The following OC90 variants were observed in gnomAD, a reference collection of about 807,000 sequenced individuals.
OC90 encodes otoconin 90, also known as otoconin-90.
A neutral mutation model predicts 47.3 loss-of-function variants in OC90; 46 were observed. That is an observed-to-expected ratio of 0.97 (90% confidence interval 0.77 to 1.24). OC90 has a LOEUF of 1.24. Ranked by LOEUF, OC90 falls within the 50% of genes most tolerant of loss-of-function variation. OC90 has a pLI of 0.00. For synonymous variants in OC90, 271 were observed against 219.5 expected (o/e 1.23, Z -2.07); for missense variants, 688 against 583.9 (o/e 1.18, Z -1.84).
rs11779306 is a variant in OC90, at chr8:132,034,824, G to A, written c.690C>T (p.His230=). The stretch of plus-strand genomic sequence containing the variant: ...TAGCAGCTCCCACTCCTTCCTGATC[G>A]TGGCCTGCTTCTGTTCCCCAAAGAA... ...LTALSGEEAG[H]DQEGVGAARA... is the part of the protein sequence containing the mutation. Residue 230 remains histidine, a synonymous_variant, in exon 10 of 14, where the codon CAC becomes CAT. Coordinates refer to ENST00000254627, the MANE Select transcript of OC90 (RefSeq NM_001080399.3). The A allele has an allele frequency of 0.33, 525,245 of 1,606,308 alleles. 88,636 individuals are homozygous for A. The highest frequency in any genetic ancestry group is 0.36 in the South Asian group (32,919 of 90,624).
Position 132,041,605 on chromosome 8 carries a change from A to G in OC90, c.264T>C (p.Gly88=). Residue 88 remains glycine, a synonymous_variant, in exon 5 of 14, where the codon GGT becomes GGC. Coordinates refer to ENST00000254627, the MANE Select transcript of OC90 (RefSeq NM_001080399.3). ...AGTCTTCAAAGTCTCGGGGGCAGAG[A>G]CCAGCCACACACTTCATACCATTGA... ...QFVNGMKCVA[G]LCPRDFEDYG... is the part of the protein sequence containing the mutation. 6.2e-7 allele frequency: 1 copy of G among 1,612,658 alleles called. No individual in the cohort carries two copies. Among genetic ancestry groups the G allele is most frequent in the Non-Finnish European group, 8.5e-7 (1 of 1,179,582 alleles).
At chr8:132,025,377 G>A (rs150562902) in intron 13 of OC90, among the ~76,000 whole-genome samples, 2 of 152,134 alleles carry the variant, frequency 1.3e-5, no homozygotes, top group Non-Finnish European at 2.9e-5. Context: ...TTTCCTCTGG[G>A]GACATGTCCA....
chr8:132,051,581 A>G (rs972691144), intron 2 of OC90, among the ~76,000 whole-genome samples: 3 of 152,208 alleles, frequency 2.0e-5, no homozygotes, highest in African/African-American at 7.2e-5. Context: ...CATCTGTAGA[A>G]TGGGGCTATT....
chr8:132,053,847 T>C (rs1187523516), intron 2 of OC90, among the ~76,000 whole-genome samples: 1 of 152,122 alleles, frequency 6.6e-6, no homozygotes, highest in African/African-American at 2.4e-5. Flanking sequence ...CCCTTGGAAG[T>C]CACAAGGCAG....
intron 2 of OC90, among the ~76,000 whole-genome samples, chr8:132,051,519 T>G (rs1298425569): frequency 5.9e-5 from 9 of 152,250 alleles, no homozygotes; most frequent in African/African-American, 2.2e-4. Context: ...CAGTAACTTC[T>G]TGGTTTTGTT....
chr8:132,045,193 C>T (rs1053216109), intron 3 of OC90, among the ~76,000 whole-genome samples: 5 of 152,206 alleles, frequency 3.3e-5, no homozygotes, highest in African/African-American at 4.8e-5. Context: ...TTTTCATTTG[C>T]ATCTGAATGG....
rs1822727366 is a variant in OC90 at position 132,024,600 on chromosome 8, C to T, written c.1315G>A (p.Gly439Ser). The T allele has an allele frequency of 6.2e-7, 1 of 1,613,650 alleles. No homozygotes were observed. Among genetic ancestry groups the T allele is most frequent in the East Asian group, 2.2e-5 (1 of 44,862 alleles). ...LHPVPAAPTL[G>S]SSSEEDSEED... Reference sequence around the variant, plus strand: ...TCGCTGTCCTCCTCAGAGCTGGAGCCCAGGGTGGGGGCTGCGGGCACAGGG... The same window carrying T: ...TCGCTGTCCTCCTCAGAGCTGGAGCTCAGGGTGGGGGCTGCGGGCACAGGG... Residue 439 changes from glycine (G) to serine (S), a missense_variant, in exon 14 of 14, where the codon GGC becomes AGC. Coordinates refer to ENST00000254627, the MANE Select transcript of OC90 (RefSeq NM_001080399.3).
intron 1 of OC90, among the ~76,000 whole-genome samples, chr8:132,055,333 T>G (rs972751633): frequency 6.6e-6 from 1 of 152,224 alleles, no homozygotes; most frequent in Non-Finnish European, 1.5e-5. Context: ...CGTGGGCTTC[T>G]GTATTTACTG....
chr8:132,044,619 G>A (rs1823105736), intron 3 of OC90, 130 bp from the exon 4 acceptor site: 2 of 629,574 alleles, frequency 3.2e-6, no homozygotes, highest in African/African-American at 3.7e-5. Context: ...CTTGGGCTAA[G>A]CTAGCTTTCT....
chr8:132,026,549 C>T (rs768038163), intron 13 of OC90, among the ~76,000 whole-genome samples: 13 of 152,204 alleles, frequency 8.5e-5, no homozygotes, highest in Non-Finnish European at 1.6e-4. Context: ...TATGATAGCA[C>T]AGGCCAGGAT....
intron 12 of OC90, among the ~76,000 whole-genome samples, chr8:132,031,256 G>A (rs1303905037): frequency 6.6e-6 from 1 of 152,210 alleles, no homozygotes; most frequent in Non-Finnish European, 1.5e-5. Flanking sequence ...TGTGAAGGTT[G>A]AATCATTGTT....
intron 2 of OC90, 34 bp from the exon 3 acceptor site, chr8:132,045,917 A>G (rs1823126572): frequency 3.4e-6 from 4 of 1,189,724 alleles, no homozygotes; most frequent in Admixed American, 4.0e-5. Context: ...GGGTAAGCAC[A>G]AACACTGATA....
intron 2 of OC90, among the ~76,000 whole-genome samples, chr8:132,047,537 C>T (rs894881492): frequency 2.0e-5 from 3 of 152,062 alleles, no homozygotes; most frequent in Admixed American, 2.0e-4. Context: ...GTTCCAGCGA[C>T]TCTAAGTTTG....
chr8:132,056,263 T>C (rs1007404053), intron 1 of OC90, among the ~76,000 whole-genome samples: 28 of 152,264 alleles, frequency 1.8e-4, no homozygotes, highest in African/African-American at 6.7e-4. Context: ...AGACCAAGAC[T>C]GCCCCGTATT....
At position 132,029,188 on chromosome 8, in the gene OC90, A is replaced by G. The variant is rs1175351745; in HGVS notation, c.1032-9T>C. 2 of 1,607,968 alleles carry G rather than the reference A, an allele frequency of 1.2e-6. No homozygotes were observed. The highest frequency in any genetic ancestry group is 1.7e-6 in the Non-Finnish European group (2 of 1,174,632). On this transcript the variant is annotated splice_polypyrimidine_tract_variant and intron_variant, in intron 12 of 13. Coordinates refer to ENST00000254627, the MANE Select transcript of OC90 (RefSeq NM_001080399.3). ...GATGGGACAAGCAGCACCTAAGACC[A>G]AGGAAAACCCTTTACTTCTCAGAGC...
At chr8:132,027,321 C>T (rs558911751) in intron 13 of OC90, among the ~76,000 whole-genome samples, 96 of 152,202 alleles carry the variant, frequency 6.3e-4, no homozygotes, top group African/African-American at 2.2e-3. Flanking sequence ...ATAGAATGAA[C>T]GGATGAATGA....
intron 5 of OC90, 133 bp from the exon 6 acceptor site, chr8:132,041,289 G>T: frequency 1.5e-6 from 1 of 673,902 alleles, no homozygotes; most frequent in Non-Finnish European, 2.6e-6. Flanking sequence ...GCACTAAAAT[G>T]AAGTTTTGCA....
At chr8:132,036,654 G>A (rs1822969272) in intron 9 of OC90, among the ~76,000 whole-genome samples, 1 of 152,252 alleles carries the variant, frequency 6.6e-6, no homozygotes, top group Admixed American at 6.5e-5. Context: ...CAGGGGTGAA[G>A]GGCCATTATT....
chr8:132,025,091 C>T lies in OC90; in HGVS notation c.1139-315G>A, dbSNP rs552242346. 3.3e-5 allele frequency among the ~76,000 whole-genome samples: 5 copies of T among 152,294 alleles called. No homozygotes were observed. The East Asian group carries it at 5.8e-4, about 18-fold the overall frequency. On this transcript the variant is annotated intron_variant, in intron 13 of 13. Transcript: ENST00000254627. ...TGTGGGCTCCCATGGAATCCCACTT[C>T]GTGTTTTTTTCTATCACTGCAGGTT...
Sources: gnomAD v4.1 joint callset for allele counts (sites outside exome capture counted in the v4.1 genomes callset) on GRCh38, gnomAD v4.1.1 for gene constraint, MANE v1.5 for transcripts, NCBI Gene and HGNC (gene_info 2026-07-23, HGNC 2026-07-21) for gene names.